The following INCA1 variants were observed in gnomAD, a reference collection of about 807,000 sequenced individuals.
The protein encoded by INCA1 is protein INCA1.
In INCA1, 28 loss-of-function variants were observed where a neutral mutation model predicts 25.7. That is an observed-to-expected ratio of 1.09 (90% confidence interval 0.81 to 1.49). The LOEUF is 1.49. Ranked by LOEUF, INCA1 falls within the 40% of genes most tolerant of loss-of-function variation. The probability of loss-of-function intolerance (pLI) is 0.00; values close to 1 mark genes in which losing one functional copy is unlikely to be tolerated. For synonymous variants in INCA1, 111 were observed against 103.6 expected, an observed-to-expected ratio of 1.07 and a Z score of -0.43; for missense variants, 309 against 290.9, an observed-to-expected ratio of 1.06 and a Z score of -0.45.
intron 2 of INCA1, among the ~76,000 whole-genome samples, chr17:4,992,477 TCTCA>T (rs1298415038): frequency 6.6e-6 from 1 of 152,084 alleles, no homozygotes; most frequent in East Asian, 1.9e-4. Flanking sequence ...AGAGATGAGG[TCTCA>T]CTATGTTGCC....
At chr17:4,994,311 C>A in intron 2 of INCA1, 83 bp downstream of exon 2, 1 of 1,289,446 alleles carries the variant, frequency 7.8e-7, no homozygotes, top group South Asian at 1.2e-5. Context: ...TTCTTTATTT[C>A]CTAATCCTCT....
chr17:4,995,344 A>G (rs543740702), intron 1 of INCA1, among the ~76,000 whole-genome samples: 1 of 152,346 alleles, frequency 6.6e-6, no homozygotes, highest in South Asian at 2.1e-4. Flanking sequence ...AGAATAAGTG[A>G]AATTTACAGA....
intron 4 of INCA1, 38 bp downstream of exon 4, chr17:4,989,852 T>C: frequency 6.2e-7 from 1 of 1,614,158 alleles, no homozygotes; most frequent in South Asian, 1.1e-5. Flanking sequence ...GGTGCAATTT[T>C]AACAGAGAAA....
At chr17:4,990,380 G>A (rs1330130616) in intron 2 of INCA1, 115 bp from the exon 3 acceptor site, 10 of 1,207,472 alleles carry the variant, frequency 8.3e-6, no homozygotes, top group Admixed American at 2.9e-5. Context: ...AGGTTCCCTC[G>A]GGCCATGTCC....
chr17:4,993,778 T>G (rs1250999112), intron 2 of INCA1, among the ~76,000 whole-genome samples: 1 of 140,080 alleles, frequency 7.1e-6, no homozygotes, highest in Non-Finnish European at 1.5e-5. Flanking sequence ...TTTTTTTTTT[T>G]TTTTTTTTTT....
chr17:4,989,702 G>C (rs1973702785), intron 4 of INCA1, 78 bp from the exon 5 acceptor site: 2 of 1,576,800 alleles, frequency 1.3e-6, no homozygotes. Flanking sequence ...ACTAGGTAGG[G>C]AGTCTGGGGT....
At chr17:4,996,103 G>A (rs1974232388) in intron 1 of INCA1, among the ~76,000 whole-genome samples, 1 of 152,030 alleles carries the variant, frequency 6.6e-6, no homozygotes, top group African/African-American at 2.4e-5. Flanking sequence ...GGGCAGTTAA[G>A]GCTGGGCACA....
chr17:4,991,518 C>T (rs1327492595), intron 2 of INCA1, among the ~76,000 whole-genome samples: 7 of 152,214 alleles, frequency 4.6e-5, no homozygotes, highest in Non-Finnish European at 1.0e-4. Flanking sequence ...CACTGCTCGT[C>T]ACTTCCAAAC....
chr17:4,988,396 G>C, exon 7 of INCA1: 1 of 1,586,884 alleles, frequency 6.3e-7, no homozygotes. Context: ...CGGCATCGGT[G>C]GTTTCTCCTT....
intron 1 of INCA1, among the ~76,000 whole-genome samples, chr17:4,994,945 C>T (rs568523731): frequency 2.0e-5 from 3 of 152,246 alleles, no homozygotes; most frequent in Admixed American, 2.0e-4. Flanking sequence ...GTGGCTTATG[C>T]CTGTAATCCC....
intron 2 of INCA1, among the ~76,000 whole-genome samples, chr17:4,990,892 A>G (rs756187451): frequency 6.6e-6 from 1 of 150,634 alleles, no homozygotes; most frequent in African/African-American, 2.4e-5. Context: ...TCAAAAAAAA[A>G]ATTGCAAAAA....
intron 1 of INCA1, among the ~76,000 whole-genome samples, chr17:4,994,995 T>C (rs1475628931): frequency 6.6e-6 from 1 of 151,680 alleles, no homozygotes; most frequent in Non-Finnish European, 1.5e-5. Context: ...CACCTGAGGT[T>C]GGGAGTTCGA....
chr17:4,997,224 G>C (rs954554611), upstream of INCA1: 4 of 152,302 alleles, frequency 2.6e-5, no homozygotes, highest in African/African-American at 9.6e-5. Flanking sequence ...GACCGGGCGT[G>C]GCCGGACCTT....
rs758195844 is a variant in INCA1, at chr17:4,988,945, C to T, written c.396-1G>A. 1.2e-6 allele frequency: 2 copies of T among 1,613,052 alleles called. No individual in the cohort carries two copies. Among genetic ancestry groups the T allele is most frequent in the Non-Finnish European group, 1.7e-6 (2 of 1,179,612 alleles). On this transcript the variant is annotated splice_acceptor_variant, in intron 5 of 6. Coordinates refer to ENST00000576820, the Ensembl canonical transcript of INCA1. LOFTEE classifies it high-confidence loss of function. ...GCTGCCCCACTGGGCCTTCTTCAGTCTGTGGAGACTTTAGGCTGAGGAGAG... is the reference window on the plus strand; with the variant it reads ...GCTGCCCCACTGGGCCTTCTTCAGTTTGTGGAGACTTTAGGCTGAGGAGAG...
chr17:4,989,847 A>G (rs780174201), intron 4 of INCA1, 43 bp downstream of exon 4: 11 of 1,614,118 alleles, frequency 6.8e-6, no homozygotes, highest in Non-Finnish European at 9.3e-6. Flanking sequence ...CAGTGGGTGC[A>G]ATTTTAACAG....
chr17:4,995,255 G>A (rs1974156585), intron 1 of INCA1, among the ~76,000 whole-genome samples: 1 of 152,120 alleles, frequency 6.6e-6, no homozygotes, highest in African/African-American at 2.4e-5. Context: ...GAACATTTAG[G>A]TTGAAGATAG....
At chr17:4,995,885 C>G (rs1405045081) in intron 1 of INCA1, 1 of 152,144 alleles carries the variant, frequency 6.6e-6, no homozygotes, top group African/African-American at 2.4e-5. Context: ...GAGTTGAGAT[C>G]GCGCCATTGC....
chr17:4,989,896 G>C (rs200230581), exon 4 of INCA1: 33 of 1,614,194 alleles, frequency 2.0e-5, no homozygotes, highest in Non-Finnish European at 2.8e-5. Context: ...TTACCAGCAT[G>C]GGTGGAATGT....
Position 4,994,458 on chromosome 17 carries a change from T to G in INCA1, c.-21A>C, listed in dbSNP as rs114204728. On this transcript the variant is annotated 5_prime_UTR_variant, in exon 2 of 7. Transcript: ENST00000576820. Reference sequence around the variant, plus strand: ...TGCATGACTGGACGGGGCTGGGTAGTTAGTCTCCTTTTTGGTGCTGGGAGG... The same window carrying G: ...TGCATGACTGGACGGGGCTGGGTAGGTAGTCTCCTTTTTGGTGCTGGGAGG... The G allele has an allele frequency of 7.7e-5, 125 of 1,613,218 alleles. No homozygotes were observed. The African/African-American group carries it at 1.6e-3, about 20-fold the overall frequency.
Sources: gnomAD v4.1 joint callset for allele counts (sites outside exome capture counted in the v4.1 genomes callset) on GRCh38, gnomAD v4.1.1 for gene constraint, MANE v1.5 for transcripts, NCBI Gene and HGNC (gene_info 2026-07-23, HGNC 2026-07-21) for gene names.